Variants in SLC45A4 observed in about 807,000 individuals in gnomAD.
SLC45A4 encodes the protein solute carrier family 45 member 4, also known as polyamine-transporter SLC45A4.
Under a neutral mutation model 63.7 loss-of-function variants are expected in SLC45A4, and 32 were observed. The ratio of observed to expected loss-of-function variants is 0.50; its 90% confidence interval spans 0.38 to 0.67. SLC45A4 has a LOEUF of 0.67. SLC45A4 is among the 30% of genes least tolerant of loss of function. The pLI is 0.00. For synonymous variants in SLC45A4, 535 were observed against 510.0 expected (o/e 1.05, Z -0.66); for missense variants, 1,027 against 1,157.7 (o/e 0.89, Z 1.64).
At chr8:141,243,153 G>C (rs1261635581) in intron 2 of SLC45A4, among the ~76,000 whole-genome samples, 3 of 152,166 alleles carry the variant, frequency 2.0e-5, no homozygotes, top group African/African-American at 7.2e-5. Context: ...CTCCCCACCG[G>C]GCCACCAGAA....
Position 141,275,174 on chromosome 8 carries a change from G to T in SLC45A4, c.-400-20545C>A, listed in dbSNP as rs536608875. 2.0e-5 allele frequency among the ~76,000 whole-genome samples: 3 copies of T among 152,314 alleles called. No individual in the cohort carries two copies. The East Asian group carries it at 5.8e-4, about 29-fold the overall frequency. ...CGTGGTCCCCCATTTTCTGTGACGAGGAAAGTCAGTCTATAGTTCAGCGAG... is the reference window on the plus strand; with the variant it reads ...CGTGGTCCCCCATTTTCTGTGACGATGAAAGTCAGTCTATAGTTCAGCGAG... On this transcript the variant is annotated intron_variant, in intron 1 of 8. Coordinates refer to ENST00000517878, the MANE Select transcript of SLC45A4 (RefSeq NM_001286646.2).
chr8:141,293,111 A>G (rs1447945498), intron 1 of SLC45A4, among the ~76,000 whole-genome samples: 1 of 152,234 alleles, frequency 6.6e-6, no homozygotes, highest in Non-Finnish European at 1.5e-5. Flanking sequence ...AATGCACGCC[A>G]GCAGTTCACT....
intron 1 of SLC45A4, among the ~76,000 whole-genome samples, chr8:141,257,931 A>G (rs1828868210): frequency 6.6e-6 from 1 of 152,080 alleles, no homozygotes; most frequent in South Asian, 2.1e-4. Context: ...CCCCTTGATT[A>G]TTCCATTCCG....
At chr8:141,291,198 C>G (rs1242084900) in intron 1 of SLC45A4, among the ~76,000 whole-genome samples, 1 of 152,184 alleles carries the variant, frequency 6.6e-6, no homozygotes, top group African/African-American at 2.4e-5. Flanking sequence ...ACTCCCTAAA[C>G]TGTATACAAA....
At chr8:141,291,225 T>C (rs1203619912) in intron 1 of SLC45A4, among the ~76,000 whole-genome samples, 2 of 152,198 alleles carry the variant, frequency 1.3e-5, no homozygotes, top group Non-Finnish European at 2.9e-5. Flanking sequence ...TCTATTTGCA[T>C]TTTTGTGAGA....
At chr8:141,290,749 G>A (rs960291827) in intron 1 of SLC45A4, among the ~76,000 whole-genome samples, 5 of 152,250 alleles carry the variant, frequency 3.3e-5, no homozygotes, top group Non-Finnish European at 5.9e-5. Flanking sequence ...GGCAGCCCAC[G>A]CTGCGTGTGG....
Position 141,229,880 on chromosome 8 carries a change from C to G in SLC45A4, c.242-8115G>C, listed in dbSNP as rs747194016. 8.5e-5 allele frequency among the ~76,000 whole-genome samples: 13 copies of G among 152,104 alleles called. No homozygotes were observed. Among genetic ancestry groups the G allele is most frequent in the Non-Finnish European group, 1.5e-4 (10 of 68,034 alleles). ...GTGCTGCCCTGCATGTAAAGGGGCACGCTGGGAAAGGTGGGCATTATGGAG... is the reference window on the plus strand; with the variant it reads ...GTGCTGCCCTGCATGTAAAGGGGCAGGCTGGGAAAGGTGGGCATTATGGAG... On this transcript the variant is annotated intron_variant, in intron 2 of 8. Transcript: ENST00000517878. The surrounding 1 kb of genome is among the most constrained non-coding windows in gnomAD (Gnocchi z 5.0).
chr8:141,218,718 C>T lies in SLC45A4; in HGVS notation c.922G>A (p.Asp308Asn). The change falls in exon 5 of 9, where the codon GAC becomes AAC. Residue 308 changes from aspartate (D) to asparagine (N), a missense_variant. By Grantham distance (23) the Asp-to-Asn change is conservative (BLOSUM62 1). Transcript: ENST00000517878. ...PDVDIMRSKS[D>N]SALHVPDTAL... ...GTGTCCGGCACGTGCAATGCCGAGTCGCTTTTGCTGCGCATGATGTCCACG... is the reference window on the plus strand; with the variant it reads ...GTGTCCGGCACGTGCAATGCCGAGTTGCTTTTGCTGCGCATGATGTCCACG... 3 of 1,612,712 alleles carry T rather than the reference C, an allele frequency of 1.9e-6. No individual in the cohort carries two copies. Among genetic ancestry groups the T allele is most frequent in the East Asian group, 2.2e-5 (1 of 44,870 alleles).
At chr8:141,264,044 AG>A (rs1829158899) in intron 1 of SLC45A4, among the ~76,000 whole-genome samples, 1 of 152,198 alleles carries the variant, frequency 6.6e-6, no homozygotes, top group African/African-American at 2.4e-5. Flanking sequence ...GCTGAAGGAC[AG>A]GTTCCTGGGT....
chr8:141,253,032 C>T lies in SLC45A4; in HGVS notation c.241+957G>A, dbSNP rs570734068. 4.5e-3 allele frequency: 720 copies of T among 161,558 alleles called. 8 individuals carry two copies. The highest frequency in any genetic ancestry group is 0.016 in the Middle Eastern group (5 of 314). The allele number at this position is 161,558 out of a possible 1,614,324, so 10.0% of individuals were successfully genotyped here. A position where few individuals can be genotyped will look rare whatever the true frequency, so the allele number is the denominator to read the frequency against. ...CTGTGAATTTCCGTGTTTTCACACCCACCTGTGTCTGTGAATTTCCGTGTT... is the reference window on the plus strand; with the variant it reads ...CTGTGAATTTCCGTGTTTTCACACCTACCTGTGTCTGTGAATTTCCGTGTT... On this transcript the variant is annotated intron_variant, in intron 2 of 8. Coordinates refer to ENST00000517878, the MANE Select transcript of SLC45A4 (RefSeq NM_001286646.2).
At position 141,260,920 on chromosome 8, in the gene SLC45A4, C is replaced by A. The variant is rs1215405277; in HGVS notation, c.-400-6291G>T. Among the ~76,000 whole-genome samples the A allele has an allele frequency of 2.0e-5, 3 of 152,076 alleles. No homozygotes were observed. The East Asian group carries it at 5.8e-4, about 29-fold the overall frequency. On this transcript the variant is annotated intron_variant, in intron 1 of 8. Coordinates refer to ENST00000517878, the MANE Select transcript of SLC45A4 (RefSeq NM_001286646.2). ...TACCAAAGCCTGGCAGAGACAGAAC[C>A]AAAAAAGAGAATTTTAGACCAATAT... is the stretch of plus-strand genomic sequence containing the variant.
At chr8:141,292,112 C>T (rs544537378) in intron 1 of SLC45A4, among the ~76,000 whole-genome samples, 6 of 152,378 alleles carry the variant, frequency 3.9e-5, no homozygotes, top group Non-Finnish European at 8.8e-5. Flanking sequence ...CCCTACTCCC[C>T]GCCCCTCACC....
chr8:141,232,962 G>A (rs1827440442), intron 2 of SLC45A4, among the ~76,000 whole-genome samples: 1 of 152,326 alleles, frequency 6.6e-6, no homozygotes, highest in South Asian at 2.1e-4. Context: ...AGGTGACGTC[G>A]CTGAACAGGA....
rs2154614194 is a variant in SLC45A4 at position 141,227,628 on chromosome 8, G to T, written c.242-5863C>A. On this transcript the variant is annotated intron_variant, in intron 2 of 8. Coordinates refer to ENST00000517878, the MANE Select transcript of SLC45A4 (RefSeq NM_001286646.2). This position sits in a 1 kb window ranked among gnomAD's most constrained non-coding sequence, Gnocchi z 4.4. ...GGGGAGCCGGGCCCCCAGGGCTCGGGCCACCTGCTTGCAAGAGGGGAAGGG... is the reference window on the plus strand; with the variant it reads ...GGGGAGCCGGGCCCCCAGGGCTCGGTCCACCTGCTTGCAAGAGGGGAAGGG... Among the ~76,000 whole-genome samples the T allele has an allele frequency of 6.6e-6, 1 of 152,240 alleles. No homozygotes were observed. Among genetic ancestry groups the T allele is most frequent in the South Asian group, 2.1e-4 (1 of 4,820 alleles).
intron 1 of SLC45A4, among the ~76,000 whole-genome samples, chr8:141,258,239 G>C (rs926004270): frequency 6.6e-6 from 1 of 152,080 alleles, no homozygotes; most frequent in African/African-American, 2.4e-5. Flanking sequence ...AGGAAAGAAG[G>C]CGACGGTGGA....
chr8:141,259,461 G>A (rs1012487509), intron 1 of SLC45A4, among the ~76,000 whole-genome samples: 6 of 152,288 alleles, frequency 3.9e-5, no homozygotes, highest in Middle Eastern at 3.4e-3. Flanking sequence ...GCACCCTTCC[G>A]TCTCTCCCCT....
chr8:141,289,308 C>T (rs1830266824), intron 1 of SLC45A4, among the ~76,000 whole-genome samples: 1 of 152,184 alleles, frequency 6.6e-6, no homozygotes, highest in Admixed American at 6.5e-5. Flanking sequence ...TAGTGAAAGA[C>T]ATTAAATCCT....
intron 1 of SLC45A4, among the ~76,000 whole-genome samples, chr8:141,265,161 G>A (rs1187580409): frequency 6.6e-6 from 1 of 152,214 alleles, no homozygotes; most frequent in Non-Finnish European, 1.5e-5. Flanking sequence ...TGGATGTGAT[G>A]GTCCATTTCC....
intron 1 of SLC45A4, among the ~76,000 whole-genome samples, chr8:141,307,751 G>A (rs1027604763): frequency 4.3e-4 from 63 of 145,860 alleles, no homozygotes; most frequent in Middle Eastern, 3.2e-3. Context: ...GGGCGGGGAG[G>A]ACTGATGGGT....
Sources: gnomAD v4.1 joint callset for allele counts (sites outside exome capture counted in the v4.1 genomes callset) on GRCh38, gnomAD v4.1.1 for gene constraint, Gnocchi (gnomAD v3.1) non-coding constraint, MANE v1.5 for transcripts, NCBI Gene and HGNC (gene_info 2026-07-23, HGNC 2026-07-21) for gene names.